Variants in PNCK observed in about 807,000 individuals in gnomAD.
PNCK encodes the protein pregnancy up-regulated nonubiquitous CaM kinase.
In PNCK, 21 loss-of-function variants were observed where a neutral mutation model predicts 28.3. The ratio of observed to expected loss-of-function variants is 0.74; its 90% CI spans 0.53 to 1.07. The LOEUF (loss-of-function observed/expected upper bound fraction) is 1.07, where lower values mean the gene tolerates loss of function less well. Ranked by LOEUF, PNCK falls within the 50% of genes least tolerant of loss-of-function variation. PNCK has a pLI of 0.00. For synonymous variants in PNCK, 136 were observed against 125.2 expected, an observed-to-expected ratio of 1.09 and a Z score of -0.58; for missense variants, 250 against 298.3, an observed-to-expected ratio of 0.84 and a Z score of 1.19.
In PNCK at chrX:153,670,488, C is replaced by A. The variant is rs2091280350; in HGVS notation, c.1001G>T (p.Gly334Val). 2 of 1,211,409 alleles carry A rather than the reference C, an allele frequency of 1.7e-6. No individual in the cohort carries two copies. The highest frequency in any genetic ancestry group is 2.2e-5 in the Admixed American group (1 of 46,148). ...CTTGGGGGGCTGGCCAGCACGGAGG[C>A]CTGAGTGGCTGTGGCGGGCCATGCC... ...EQGMARHSHSGLRAGQPPKW is the reference protein window; with the variant it reads ...EQGMARHSHSVLRAGQPPKW The change falls in exon 11 of 12, where the codon GGC (glycine) becomes GTC (valine). Residue 334 changes from glycine (G) to valine (V), a missense_variant. Gly to Val is a moderately radical substitution (Grantham distance 109). Coordinates refer to ENST00000340888, the MANE Select transcript of PNCK (RefSeq NM_001366977.1).
At chrX:153,678,672 T>C (rs2091380921), upstream of PNCK, among the ~76,000 whole-genome samples, 1 of 110,875 alleles carries the variant, frequency 9.0e-6, no homozygotes, top group Admixed American at 9.6e-5. Flanking sequence ...GTTCCCTCTG[T>C]CTGCTGTAAA....
At chrX:153,673,892 C>T (rs1678529630), upstream of PNCK, 12 of 882,990 alleles carry the variant, frequency 1.4e-5, no homozygotes, top group South Asian at 5.8e-5. Context: ...CGCCCAAGCA[C>T]GCAGTGGCCC....
chrX:153,676,528 T>C (rs910268456), upstream of PNCK, among the ~76,000 whole-genome samples: 6 of 111,342 alleles, frequency 5.4e-5, no homozygotes, highest in African/African-American at 2.0e-4. Flanking sequence ...TGCTGGCGAG[T>C]GTACCCTTTC....
Position 153,670,373 on chromosome X carries a change from G to A in PNCK, c.*7+77C>T, listed in dbSNP as rs782603939. 70 of 1,173,986 alleles carry A rather than the reference G, an allele frequency of 6.0e-5. No individual in the cohort carries two copies. In the Admixed American group the frequency reaches 1.2e-3, roughly 21 times the overall value. On this transcript the variant is annotated intron_variant, in intron 11 of 11. Transcript: ENST00000340888. ...GTGGGGGCCACCCCACTTAGCTCTT[G>A]GCCACATGGAGCGCCACCACCCTCT...
chrX:153,684,966 C>T (rs1221636454), intron 1 of PNCK, among the ~76,000 whole-genome samples: 5 of 104,158 alleles, frequency 4.8e-5, no homozygotes, highest in African/African-American at 1.8e-4. Context: ...CCCGCCCCTC[C>T]CCGGTCGCCT....
At chrX:153,677,661 GTATA>G (rs200669416), upstream of PNCK, among the ~76,000 whole-genome samples, 21 of 79,324 alleles carry the variant, frequency 2.6e-4, no homozygotes, top group South Asian at 1.1e-3. Flanking sequence ...TATATAGTGT[GTATA>G]TATATATAGT....
In PNCK at chrX:153,670,987, A is replaced by C; in HGVS notation, c.737T>G (p.Phe246Cys). 1 of 1,211,780 alleles carries C rather than the reference A, an allele frequency of 8.3e-7. No individual in the cohort carries two copies. The highest frequency in any genetic ancestry group is 1.1e-6 in the Non-Finnish European group (1 of 895,471). Reference protein sequence around the residue: ...WDDISESAKDFIRHLLERDPQ... With the variant: ...WDDISESAKDCIRHLLERDPQ... ...GTCTCGCTCCAGAAGGTGCCGGATG[A>C]AGTCTTTGGCTGGAACAGGGAGGCT... The change falls in exon 9 of 12, where the codon TTC becomes TGC. Residue 246 changes from phenylalanine to cysteine, a missense_variant. Physicochemically the swap from Phe to Cys is radical, Grantham distance 205. Coordinates refer to ENST00000340888, the MANE Select transcript of PNCK (RefSeq NM_001366977.1).
At chrX:153,673,658 G>T in intron 1 of PNCK, 122 bp downstream of exon 1, 1 of 383,787 alleles carries the variant, frequency 2.6e-6, no homozygotes, top group Non-Finnish European at 3.3e-6. Flanking sequence ...CCGAGCGCGT[G>T]CGGGCAGGGG....
intron 1 of PNCK, among the ~76,000 whole-genome samples, chrX:153,682,236 G>A (rs924365583): frequency 2.3e-4 from 25 of 110,608 alleles, no homozygotes; most frequent in African/African-American, 8.2e-4. Flanking sequence ...TGATCTGCCT[G>A]CCTCGGCCTC....
Position 153,672,689 on chromosome X carries a change from A to G in PNCK, c.77T>C (p.Phe26Ser). The G allele has an allele frequency of 1.9e-5, 23 of 1,198,984 alleles. No individual in the cohort carries two copies. The highest frequency in any genetic ancestry group is 2.6e-5 in the Non-Finnish European group (23 of 892,499). The stretch of plus-strand genomic sequence containing the variant: ...CTCCTGGGCCAGCACCACCTCGGAG[A>G]AGGCACCCCTGCCGCAGACGGGGCG... Reference protein sequence around the residue: ...EIRERLGSGAFSEVVLAQERG... With the variant: ...EIRERLGSGASSEVVLAQERG... The change falls in exon 3 of 12, where the codon TTC (phenylalanine) becomes TCC (serine). Residue 26 changes from phenylalanine to serine, a missense_variant. Phe to Ser is a radical substitution (Grantham distance 155). Coordinates refer to ENST00000340888, the MANE Select transcript of PNCK (RefSeq NM_001366977.1).
At chrX:153,681,712 T>C (rs2091396263) in intron 1 of PNCK, among the ~76,000 whole-genome samples, 1 of 112,517 alleles carries the variant, frequency 8.9e-6, no homozygotes, top group Admixed American at 9.4e-5. Context: ...TGATTCATTG[T>C]TTGCAATAAC....
At chrX:153,685,788 G>A (rs1244644209) in intron 1 of PNCK, among the ~76,000 whole-genome samples, 2 of 113,431 alleles carry the variant, frequency 1.8e-5, no homozygotes, top group African/African-American at 6.4e-5. Context: ...GGTCCCTCTG[G>A]CTGCTCAGAG....
chrX:153,681,028 CAAA>C (rs782745110), intron 1 of PNCK, among the ~76,000 whole-genome samples: 4 of 30,206 alleles, frequency 1.3e-4, no homozygotes, highest in Admixed American at 4.1e-4. Flanking sequence ...GAACCTGTCT[CAAA>C]AAAAAAAAAA....
upstream of PNCK, among the ~76,000 whole-genome samples, chrX:153,675,991 T>C (rs1402549415): frequency 3.3e-5 from 3 of 90,882 alleles, no homozygotes; most frequent in African/African-American, 5.6e-5. Context: ...TCTTTTCTTT[T>C]TTTTTTTTTT....
chrX:153,673,528 G>A (rs1385433185), intron 1 of PNCK: 6 of 368,859 alleles, frequency 1.6e-5, no homozygotes, highest in Non-Finnish European at 2.6e-5. Context: ...TGCGACCCCC[G>A]CGCGCAGCCA....
intron 1 of PNCK, among the ~76,000 whole-genome samples, chrX:153,684,113 C>G (rs987512622): frequency 8.9e-6 from 1 of 111,852 alleles, no homozygotes; most frequent in Non-Finnish European, 1.9e-5. Context: ...AAACTATAAA[C>G]GAAATTTCTC....
chrX:153,674,236 T>C, upstream of PNCK: 1 of 1,151,831 alleles, frequency 8.7e-7, no homozygotes, highest in Admixed American at 2.4e-5. Context: ...CTCCCGGCAC[T>C]CACTGGGCTC....
At chrX:153,681,028 CA>C (rs782745110) in intron 1 of PNCK, among the ~76,000 whole-genome samples, 174 of 30,213 alleles carry the variant, frequency 5.8e-3, no homozygotes, top group East Asian at 0.042. Flanking sequence ...GAACCTGTCT[CA>C]AAAAAAAAAA....
upstream of PNCK, among the ~76,000 whole-genome samples, chrX:153,678,786 G>A (rs1218904848): frequency 9.2e-6 from 1 of 109,100 alleles, no homozygotes; most frequent in Non-Finnish European, 1.9e-5. Flanking sequence ...CGCCTACCAA[G>A]CACGATCCCC....
Sources: allele counts gnomAD v4.1 joint callset (sites outside exome capture counted in the v4.1 genomes callset), GRCh38; gene constraint gnomAD v4.1.1; transcripts MANE v1.5; gene names NCBI Gene and HGNC (gene_info 2026-07-23, HGNC 2026-07-21).